Variants in GDE1 observed in about 807,000 individuals in gnomAD.
GDE1 encodes glycerophosphodiester phosphodiesterase 1.
GDE1 carries 24 observed loss-of-function variants against 32.2 expected under a neutral mutation model. The ratio of observed to expected loss-of-function variants is 0.75; its 90% confidence interval spans 0.54 to 1.05. The LOEUF (loss-of-function observed/expected upper bound fraction) is 1.05. Among genes scored for constraint, GDE1 ranks in the 50% least tolerant of loss-of-function variants. The probability of loss-of-function intolerance (pLI) is 0.00; values close to 1 mark genes in which losing one functional copy is unlikely to be tolerated. For missense variants in GDE1, 380 were observed against 415.0 expected, an observed-to-expected ratio of 0.92 and a Z score of 0.73; for synonymous variants, 159 against 158.6, an observed-to-expected ratio of 1.00 and a Z score of -0.02.
In GDE1 at chr16:19,522,021, G is replaced by T. The variant is rs1969470014; in HGVS notation, c.-57C>A. On this transcript the variant is annotated 5_prime_UTR_variant, in exon 1 of 6. It adds an upstream start codon to the 5' untranslated region. Coordinates refer to ENST00000353258, the MANE Select transcript of GDE1 (RefSeq NM_016641.4). ...CCGGACCCGCCGGGCTCCTGGGGCA[G>T]TAGAACGAGAAGCGAGGGGGAGGGT... The T allele has an allele frequency of 1.7e-5, 25 of 1,490,808 alleles. No individual in the cohort carries two copies. Among genetic ancestry groups the T allele is most frequent in the Non-Finnish European group, 1.9e-5 (21 of 1,118,028 alleles). 92.3% of individuals were successfully genotyped at this position (1,490,808 alleles called of 1,614,324 possible). A position where few individuals can be genotyped will look rare whatever the true frequency, so the allele number is the denominator to read the frequency against.
intron 5 of GDE1, 102 bp downstream of exon 5, chr16:19,504,779 C>G: frequency 1.4e-6 from 1 of 715,026 alleles, no homozygotes; most frequent in Non-Finnish European, 2.4e-6. Context: ...GTAAGCTTTG[C>G]AGGTCAGAAC....
chr16:19,510,564 T>C (rs1391962070), intron 3 of GDE1, among the ~76,000 whole-genome samples: 1 of 152,178 alleles, frequency 6.6e-6, no homozygotes, highest in Admixed American at 6.5e-5. Flanking sequence ...GTTTACTTAA[T>C]ATCTTTTGTA....
intron 1 of GDE1, 156 bp downstream of exon 1, chr16:19,521,548 C>G: frequency 1.3e-6 from 1 of 742,800 alleles, no homozygotes. Context: ...GTCCGGAGAT[C>G]CCTAGACACT....
At chr16:19,511,895 A>G (rs1352410795) in intron 2 of GDE1, among the ~76,000 whole-genome samples, 1 of 152,112 alleles carries the variant, frequency 6.6e-6, no homozygotes, top group South Asian at 2.1e-4. Context: ...AAATGACAGG[A>G]TATCATCCTT....
intron 4 of GDE1, among the ~76,000 whole-genome samples, chr16:19,506,260 A>G (rs1268153778): frequency 1.3e-5 from 2 of 151,884 alleles, no homozygotes; most frequent in African/African-American, 4.8e-5. Context: ...CTACAAAACA[A>G]TAATCCGGTT....
At chr16:19,512,380 T>C (rs925601743) in intron 2 of GDE1, among the ~76,000 whole-genome samples, 1 of 152,202 alleles carries the variant, frequency 6.6e-6, no homozygotes, top group Non-Finnish European at 1.5e-5. Flanking sequence ...AAAATGTTTA[T>C]TCAAATTAGG....
chr16:19,504,942 T>C lies in GDE1; in HGVS notation c.787A>G (p.Asn263Asp). 1 of 1,613,620 alleles carries C rather than the reference T, an allele frequency of 6.2e-7. No homozygotes were observed. The highest frequency in any genetic ancestry group is 8.5e-7 in the Non-Finnish European group (1 of 1,179,534). ...ATTCCACACAGGTACCACAAGATAT[T>C]ATGCATGCTCCAATCGAGCAAAATG... Reference protein sequence around the residue: ...MDILLDWSMHNILWYLCGISA... With the variant: ...MDILLDWSMHDILWYLCGISA... Residue 263 changes from asparagine (N) to aspartate (D), a missense_variant, in exon 5 of 6, where the codon AAT becomes GAT. Transcript: ENST00000353258.
intron 4 of GDE1, among the ~76,000 whole-genome samples, chr16:19,505,528 G>A (rs1311280030): frequency 6.6e-6 from 1 of 152,154 alleles, no homozygotes; most frequent in Non-Finnish European, 1.5e-5. Flanking sequence ...GAGTTGTAGG[G>A]GTGAGGAGGG....
At chr16:19,504,503 T>A in intron 5 of GDE1, 1 of 164,308 alleles carries the variant, frequency 6.1e-6, no homozygotes, top group Non-Finnish European at 1.3e-5. Flanking sequence ...GGTGGGGGAG[T>A]GCCTATAACA....
chr16:19,505,242 C>A (rs946858179), intron 4 of GDE1, 150 bp from the exon 5 acceptor site: 1 of 612,546 alleles, frequency 1.6e-6, no homozygotes, highest in East Asian at 2.7e-5. Flanking sequence ...AATCATAAAC[C>A]CTTTGAGAAA....
At chr16:19,512,722 T>A (rs1156442381) in intron 2 of GDE1, among the ~76,000 whole-genome samples, 6 of 152,198 alleles carry the variant, frequency 3.9e-5, no homozygotes. Flanking sequence ...CCATTTTGTG[T>A]TGATTTTTTA....
At chr16:19,507,445 A>C (rs530361571) in intron 4 of GDE1, among the ~76,000 whole-genome samples, 1 of 152,324 alleles carries the variant, frequency 6.6e-6, no homozygotes, top group South Asian at 2.1e-4. Context: ...ATTTTACTAC[A>C]GTAATCTGAG....
intron 1 of GDE1, among the ~76,000 whole-genome samples, chr16:19,519,232 G>T (rs1295739413): frequency 6.6e-6 from 1 of 152,012 alleles, no homozygotes; most frequent in East Asian, 1.9e-4. Context: ...AGGGTATAGG[G>T]TGGGGTCCCT....
Position 19,521,782 on chromosome 16 carries a change from G to C in GDE1, c.183C>G (p.Pro61=), listed in dbSNP as rs1181838490. 6.2e-7 allele frequency: 1 copy of C among 1,612,082 alleles called. No homozygotes were observed. The highest frequency in any genetic ancestry group is 2.2e-5 in the East Asian group (1 of 44,838). Reference sequence around the variant, plus strand: ...GGGCGATGGCAGAAATGCGGTCCCGGGGCTTGAGCACCTGCAGGGCCCTGC... The same window carrying C: ...GGGCGATGGCAGAAATGCGGTCCCGCGGCTTGAGCACCTGCAGGGCCCTGC... The part of the protein sequence containing the change: ...PSCRALQVLK[P]RDRISAIAHR... Residue 61 remains proline, a synonymous_variant, in exon 1 of 6, where the codon CCC becomes CCG. Transcript: ENST00000353258.
At chr16:19,518,336 A>G (rs1369142157) in intron 1 of GDE1, among the ~76,000 whole-genome samples, 1 of 152,176 alleles carries the variant, frequency 6.6e-6, no homozygotes, top group Non-Finnish European at 1.5e-5. Flanking sequence ...AACAAAAACT[A>G]TTATTTATTG....
chr16:19,522,088 C>G lies in GDE1; in HGVS notation c.-124G>C. On this transcript the variant is annotated 5_prime_UTR_variant, in exon 1 of 6. Coordinates refer to ENST00000353258, the MANE Select transcript of GDE1 (RefSeq NM_016641.4). Reference sequence around the variant, plus strand: ...AGCAGGAACCCTCTGAGGGGACCAGCGCCGCACAATGGCGGCAGCAGACAC... The same window carrying G: ...AGCAGGAACCCTCTGAGGGGACCAGGGCCGCACAATGGCGGCAGCAGACAC... 1 of 1,000,676 alleles carries G rather than the reference C, an allele frequency of 1.0e-6. No individual in the cohort carries two copies. Among genetic ancestry groups the G allele is most frequent in the Non-Finnish European group, 1.4e-6 (1 of 704,472 alleles). 62.0% of individuals were successfully genotyped at this position (1,000,676 alleles called of 1,614,324 possible).
intron 5 of GDE1, 47 bp downstream of exon 5, chr16:19,504,834 G>T (rs1047424277): frequency 8.6e-7 from 1 of 1,167,158 alleles, no homozygotes; most frequent in Non-Finnish European, 1.3e-6. Context: ...TCAAATAAGA[G>T]CATTCAGGAT....
intron 2 of GDE1, among the ~76,000 whole-genome samples, chr16:19,511,570 C>T (rs766637852): frequency 1.3e-5 from 2 of 152,130 alleles, no homozygotes; most frequent in Non-Finnish European, 2.9e-5. Context: ...TTAGGAACAT[C>T]TAAATCTCCT....
chr16:19,513,967 GA>G (rs1969349503), intron 2 of GDE1, among the ~76,000 whole-genome samples: 1 of 152,146 alleles, frequency 6.6e-6, no homozygotes, highest in Non-Finnish European at 1.5e-5. Context: ...AGTGAGCATT[GA>G]AAACCCAAGA....
Sources: allele counts gnomAD v4.1 joint callset (sites outside exome capture counted in the v4.1 genomes callset), GRCh38; gene constraint gnomAD v4.1.1; transcripts MANE v1.5; gene names NCBI Gene and HGNC (gene_info 2026-07-23, HGNC 2026-07-21).